Variants in ADAD1 observed in about 807,000 individuals in gnomAD.
ADAD1 encodes adenosine deaminase domain containing 1.
Under a neutral mutation model 66.8 loss-of-function variants are expected in ADAD1, and 46 were observed. The ratio of observed to expected loss-of-function variants is 0.69; its 90% confidence interval spans 0.54 to 0.88. ADAD1 has a LOEUF of 0.88. Among genes scored for constraint, ADAD1 ranks in the 40% least tolerant of loss-of-function variants. The pLI, the probability that ADAD1 is intolerant of heterozygous loss-of-function variation, is 0.00. For synonymous variants in ADAD1, 248 were observed against 229.4 expected, an observed-to-expected ratio of 1.08 and a Z score of -0.73; for missense variants, 617 against 681.8, an observed-to-expected ratio of 0.91 and a Z score of 1.06.
chr4:122,418,079 CAAA>C (rs904959735), intron 11 of ADAD1, among the ~76,000 whole-genome samples: 2 of 151,524 alleles, frequency 1.3e-5, no homozygotes, highest in African/African-American at 4.8e-5. Context: ...CTTTAAAAAA[CAAA>C]AAAGTCAGAA....
In ADAD1 at chr4:122,380,057, T is replaced by C; in HGVS notation, c.-8-5T>C. ...GTTTTCTGCCAATTTTATCGTGACC[T>C]CTAGGTGAGAAAATGGCTAGCAACA... On this transcript the variant is annotated splice_polypyrimidine_tract_variant and splice_region_variant and intron_variant, in intron 2 of 12. Transcript: ENST00000296513. 1.2e-6 allele frequency: 2 copies of C among 1,608,944 alleles called. No individual in the cohort carries two copies. The highest frequency in any genetic ancestry group is 2.2e-5 in the South Asian group (2 of 89,820).
Position 122,429,666 on chromosome 4 carries a change from A to T in ADAD1, c.1658A>T (p.Lys553Ile), listed in dbSNP as rs754384633. 2.9e-5 allele frequency: 47 copies of T among 1,613,408 alleles called. No individual in the cohort carries two copies. Among genetic ancestry groups the T allele is most frequent in the Non-Finnish European group, 3.6e-5 (42 of 1,179,662 alleles). ...ASYQEAKCKL[K>I]SYLQQHGYGS... ...TATCAAGAAGCTAAATGTAAGTTGA[A>T]ATCCTACTTACAACAACATGGCTAT... The change falls in exon 13 of 13, where the codon AAA becomes ATA. Residue 553 changes from lysine (K) to isoleucine (I), a missense_variant. Physicochemically the swap from Lys to Ile is moderately radical, Grantham distance 102. Transcript: ENST00000296513.
chr4:122,400,522 A>G (rs1795925265), intron 7 of ADAD1, among the ~76,000 whole-genome samples: 1 of 152,090 alleles, frequency 6.6e-6, no homozygotes, highest in African/African-American at 2.4e-5. Context: ...GCTTCATAGA[A>G]TGTTTTAGGG....
At chr4:122,416,701 C>G (rs576771619) in intron 11 of ADAD1, among the ~76,000 whole-genome samples, 130 of 151,896 alleles carry the variant, frequency 8.6e-4, no homozygotes, top group Middle Eastern at 3.4e-3. Flanking sequence ...TCACTGCACT[C>G]CAGCCTGGGC....
chr4:122,384,062 A>G, intron 5 of ADAD1, 96 bp downstream of exon 5: 1 of 1,145,304 alleles, frequency 8.7e-7, no homozygotes. Context: ...CTTGGCAGCT[A>G]CAAGATAGAA....
intron 7 of ADAD1, among the ~76,000 whole-genome samples, chr4:122,406,229 A>G (rs1796205802): frequency 6.6e-6 from 1 of 152,160 alleles, no homozygotes; most frequent in South Asian, 2.1e-4. Flanking sequence ...TCCTCACGAA[A>G]ACTTACATTT....
In ADAD1 at chr4:122,408,864, T is replaced by C. The variant is rs1796344595; in HGVS notation, c.848+833T>C. Among the ~76,000 whole-genome samples, 7 of 150,186 alleles carry C rather than the reference T, an allele frequency of 4.7e-5. No homozygotes were observed. The South Asian group carries it at 1.5e-3, about 33-fold the overall frequency. The stretch of plus-strand genomic sequence containing the variant: ...CTCCACTGCTCTCCATCATGGGCAA[T>C]AGACGTACATCTTGTCTCAAAAAAA... On this transcript the variant is annotated intron_variant, in intron 8 of 12. Coordinates refer to ENST00000296513, the MANE Select transcript of ADAD1 (RefSeq NM_139243.4).
At chr4:122,400,628 C>A (rs910943727) in intron 7 of ADAD1, among the ~76,000 whole-genome samples, 4 of 151,804 alleles carry the variant, frequency 2.6e-5, no homozygotes, top group African/African-American at 9.7e-5. Flanking sequence ...TGAATCTGTT[C>A]GGTTGCGAAC....
intron 12 of ADAD1, among the ~76,000 whole-genome samples, chr4:122,424,094 A>C (rs987748321): frequency 1.3e-5 from 2 of 152,252 alleles, no homozygotes; most frequent in African/African-American, 4.8e-5. Flanking sequence ...AAATCCTGGC[A>C]ACCAAGGATT....
intron 10 of ADAD1, among the ~76,000 whole-genome samples, chr4:122,413,648 A>C (rs1796573379): frequency 6.6e-6 from 1 of 151,890 alleles, no homozygotes; most frequent in African/African-American, 2.4e-5. Context: ...CTTCCTAGTG[A>C]AGAAATCCAC....
intron 8 of ADAD1, among the ~76,000 whole-genome samples, chr4:122,408,657 G>A (rs1186819539): frequency 6.6e-6 from 1 of 152,112 alleles, no homozygotes; most frequent in Non-Finnish European, 1.5e-5. Flanking sequence ...AGCTGAGGTG[G>A]GAGGATTGCT....
At chr4:122,389,746 G>T (rs1419196627) in intron 5 of ADAD1, among the ~76,000 whole-genome samples, 2 of 152,052 alleles carry the variant, frequency 1.3e-5, no homozygotes, top group Non-Finnish European at 2.9e-5. Flanking sequence ...GCCTGTGTGT[G>T]TCTTTGCACA....
At position 122,380,141 on chromosome 4, in the gene ADAD1, G is replaced by C; in HGVS notation, c.72G>C (p.Leu24=). 1 of 1,614,108 alleles carries C rather than the reference G, an allele frequency of 6.2e-7. No individual in the cohort carries two copies. The highest frequency in any genetic ancestry group is 8.5e-7 in the Non-Finnish European group (1 of 1,180,020). ...PSFAQMLKKN[L]PVQPATKTIT... is the part of the protein sequence containing the mutation. Reference sequence around the variant, plus strand: ...TTGCCCAGATGCTGAAAAAGAACCTGCCAGTTCAACCAGCGACAAAGACGA... The same window carrying C: ...TTGCCCAGATGCTGAAAAAGAACCTCCCAGTTCAACCAGCGACAAAGACGA... The change falls in exon 3 of 13, where the codon CTG becomes CTC. Residue 24 remains leucine, a synonymous_variant. Transcript: ENST00000296513.
At chr4:122,408,053 T>G in intron 8 of ADAD1, 22 bp downstream of exon 8, 1 of 1,596,144 alleles carries the variant, frequency 6.3e-7, no homozygotes, top group Non-Finnish European at 8.5e-7. Flanking sequence ...CATATATTAA[T>G]GTTATTAAAT....
At chr4:122,380,528 C>G in intron 3 of ADAD1, 1 of 410,198 alleles carries the variant, frequency 2.4e-6, no homozygotes, top group South Asian at 3.6e-5. Context: ...TGGACTTACA[C>G]TGGTCTGTAT....
intron 12 of ADAD1, among the ~76,000 whole-genome samples, chr4:122,427,861 G>GA (rs1797325069): frequency 6.6e-6 from 1 of 151,884 alleles, no homozygotes; most frequent in African/African-American, 2.4e-5. Context: ...AAAGAATTTT[G>GA]AAAAAGAAGA....
Position 122,423,807 on chromosome 4 carries a change from G to A in ADAD1, c.1617+2417G>A, listed in dbSNP as rs74775253. ...GATTTATATGAAATGTCTATTATAG[G>A]CAAATGCATAGAGACAGAAAATAGT... On this transcript the variant is annotated intron_variant, in intron 12 of 12. Coordinates refer to ENST00000296513, the MANE Select transcript of ADAD1 (RefSeq NM_139243.4). 6.7e-3 allele frequency among the ~76,000 whole-genome samples: 1,016 copies of A among 152,182 alleles called. 9 individuals are homozygous for A. Among genetic ancestry groups the A allele is most frequent in the African/African-American group, 0.024 (978 of 41,530 alleles).
Position 122,381,193 on chromosome 4 carries a change from T to C in ADAD1, c.361+13T>C, listed in dbSNP as rs745559716. 3.3e-6 allele frequency: 5 copies of C among 1,537,862 alleles called. No individual in the cohort carries two copies. Among genetic ancestry groups the C allele is most frequent in the Middle Eastern group, 1.7e-4 (1 of 5,750 alleles). ...ACTGTGACAACAGGCAAGTGTAAAATTGTATTTGTCTCAAAAACAAAACGA... is the reference window on the plus strand; with the variant it reads ...ACTGTGACAACAGGCAAGTGTAAAACTGTATTTGTCTCAAAAACAAAACGA... On this transcript the variant is annotated intron_variant, in intron 4 of 12. Coordinates refer to ENST00000296513, the MANE Select transcript of ADAD1 (RefSeq NM_139243.4).
At chr4:122,396,581 G>C (rs893954990) in intron 7 of ADAD1, among the ~76,000 whole-genome samples, 7 of 152,196 alleles carry the variant, frequency 4.6e-5, no homozygotes, top group Admixed American at 4.6e-4. Flanking sequence ...GCAAAATGGT[G>C]AAAGTCCTAA....
Sources: gnomAD v4.1 joint callset for allele counts (sites outside exome capture counted in the v4.1 genomes callset) on GRCh38, gnomAD v4.1.1 for gene constraint, MANE v1.5 for transcripts, NCBI Gene and HGNC (gene_info 2026-07-23, HGNC 2026-07-21) for gene names.